ATP11C: variants seen among roughly 807,000 people sequenced by gnomAD.
The protein encoded by ATP11C is phospholipid-transporting ATPase IG.
ATP11C carries 36 observed loss-of-function variants against 97.4 expected under a neutral mutation model. The observed-to-expected ratio is 0.37, with a 90% CI of 0.28 to 0.49. The LOEUF is 0.49. Among genes scored for constraint, ATP11C ranks in the 20% least tolerant of loss-of-function variants. ATP11C has a pLI of 0.98. For missense variants in ATP11C, 730 were observed against 824.6 expected (o/e 0.89, Z 1.40); for synonymous variants, 275 against 290.9 (o/e 0.95, Z 0.56).
At chrX:139,787,318 GAC>G in intron 14 of ATP11C, 74 bp from the exon 15 acceptor site, 1 of 904,083 alleles carries the variant, frequency 1.1e-6, no homozygotes, top group South Asian at 2.6e-5. Flanking sequence ...TTTTTTTTGA[GAC>G]AGAGTCTCGC....
chrX:139,841,893 TTCC>T (rs1361843412), intron 1 of ATP11C, among the ~76,000 whole-genome samples: 1 of 112,527 alleles, frequency 8.9e-6, no homozygotes, highest in Non-Finnish European at 1.9e-5. Flanking sequence ...AAGTTATTTC[TTCC>T]TCGTTCCCCT....
intron 25 of ATP11C, among the ~76,000 whole-genome samples, chrX:139,744,542 T>G (rs1250597754): frequency 8.9e-6 from 1 of 112,120 alleles, no homozygotes; most frequent in African/African-American, 3.2e-5. Flanking sequence ...TGGAGCAAAC[T>G]CCTTTTAAGC....
rs776689174 is a variant in ATP11C at position 139,891,876 on chromosome X, A to T, written c.27+40140T>A. Among the ~76,000 whole-genome samples, 4 of 111,314 alleles carry T rather than the reference A, an allele frequency of 3.6e-5. No homozygotes were observed. In the South Asian group the frequency reaches 1.5e-3, roughly 42 times the overall value. On this transcript the variant is annotated intron_variant, in intron 1 of 29. Transcript: ENST00000682941. ...CCTTGCCCCTAATTAATTTTTTTTA[A>T]GACAGGGTCTCACTCTGTTGCCCAG...
At chrX:139,760,298 T>A (rs1286005901) in intron 22 of ATP11C, among the ~76,000 whole-genome samples, 1 of 112,028 alleles carries the variant, frequency 8.9e-6, no homozygotes, top group Admixed American at 9.4e-5. Flanking sequence ...CATATTGGGT[T>A]ACCATCATCA....
At chrX:139,789,575 C>A in intron 12 of ATP11C, 87 bp from the exon 13 acceptor site, 1 of 704,595 alleles carries the variant, frequency 1.4e-6, no homozygotes, top group South Asian at 3.6e-5. Flanking sequence ...TTTTCATATC[C>A]ATAGGAAATC....
At chrX:139,770,548 A>T (rs2082233211) in intron 19 of ATP11C, among the ~76,000 whole-genome samples, 1 of 110,769 alleles carries the variant, frequency 9.0e-6, no homozygotes, top group Non-Finnish European at 1.9e-5. Flanking sequence ...CATCTGGCAG[A>T]GGGGCTTAAG....
chrX:139,765,233 A>T (rs995449975), intron 20 of ATP11C, among the ~76,000 whole-genome samples: 1 of 111,968 alleles, frequency 8.9e-6, no homozygotes, highest in Non-Finnish European at 1.9e-5. Flanking sequence ...TTCATGAAAA[A>T]AAAAAATATT....
At chrX:139,832,539 A>G (rs966887455) in intron 1 of ATP11C, among the ~76,000 whole-genome samples, 4 of 112,753 alleles carry the variant, frequency 3.5e-5, no homozygotes, top group Non-Finnish European at 7.5e-5. Flanking sequence ...TACACCACAC[A>G]GTAATTTTTC....
intron 1 of ATP11C, among the ~76,000 whole-genome samples, chrX:139,931,660 G>C (rs1036132047): frequency 1.8e-5 from 2 of 111,944 alleles, no homozygotes; most frequent in Non-Finnish European, 3.8e-5. Flanking sequence ...ACCTCCCTGA[G>C]AATAAAACGC....
upstream of ATP11C, among the ~76,000 whole-genome samples, chrX:139,936,284 A>T (rs1311154217): frequency 9.0e-6 from 1 of 111,672 alleles, no homozygotes; most frequent in African/African-American, 3.3e-5. Context: ...AGTTTTTTTA[A>T]GACAAGAAAA....
chrX:139,783,540 A>T (rs1489945761), intron 16 of ATP11C, among the ~76,000 whole-genome samples: 1 of 111,779 alleles, frequency 8.9e-6, no homozygotes, highest in Admixed American at 9.5e-5. Context: ...CAATTCATGG[A>T]GGGCTGGGCT....
chrX:139,872,521 C>T (rs972259829), intron 1 of ATP11C, among the ~76,000 whole-genome samples: 5 of 104,249 alleles, frequency 4.8e-5, no homozygotes, highest in Non-Finnish European at 9.7e-5. Context: ...GCTCCCTCCA[C>T]CCCACGACAG....
chrX:139,811,251 T>C (rs2083169380), intron 5 of ATP11C, among the ~76,000 whole-genome samples: 1 of 111,738 alleles, frequency 8.9e-6, no homozygotes, highest in South Asian at 3.7e-4. Flanking sequence ...CTCTGTGCTG[T>C]ATGAAATTCC....
At chrX:139,869,962 C>T (rs1323627468) in intron 1 of ATP11C, among the ~76,000 whole-genome samples, 1 of 108,340 alleles carries the variant, frequency 9.2e-6, no homozygotes, top group Non-Finnish European at 1.9e-5. Context: ...GGAAATCCTC[C>T]CATTGTGACA....
At chrX:139,772,901 G>A (rs959730405) in intron 19 of ATP11C, among the ~76,000 whole-genome samples, 2 of 111,063 alleles carry the variant, frequency 1.8e-5, no homozygotes, top group Non-Finnish European at 3.8e-5. Context: ...AAAGACTTTG[G>A]GGGGCTGTTG....
intron 26 of ATP11C, 65 bp from the exon 27 acceptor site, chrX:139,741,159 T>C (rs978991958): frequency 1.5e-6 from 1 of 675,527 alleles, no homozygotes; most frequent in Non-Finnish European, 2.4e-6. Flanking sequence ...TACGCTATAG[T>C]ATCTGATAAC....
At chrX:139,866,258 C>T (rs1455472807) in intron 1 of ATP11C, among the ~76,000 whole-genome samples, 1 of 101,938 alleles carries the variant, frequency 9.8e-6, no homozygotes, top group Admixed American at 1.1e-4. Flanking sequence ...GAAGGAGAAT[C>T]GCTTGAATCT....
intron 15 of ATP11C, among the ~76,000 whole-genome samples, chrX:139,786,433 G>A (rs1197048078): frequency 9.0e-6 from 1 of 110,743 alleles, no homozygotes; most frequent in African/African-American, 3.3e-5. Flanking sequence ...CAATGACCCT[G>A]GGTCCCTGTC....
Position 139,742,873 on chromosome X carries a change from A to AT in ATP11C, c.3030+685_3030+686insA, listed in dbSNP as rs2081590082. The stretch of plus-strand genomic sequence containing the variant: ...ATATTTATTTTTAAATTAAAAAAAA[A>AT]AAAATATATATATATATATATATAT... On this transcript the variant is annotated intron_variant, in intron 26 of 29. Transcript: ENST00000682941. 1.1e-3 allele frequency among the ~76,000 whole-genome samples: 29 copies of AT among 26,371 alleles called. 1 individual carries two copies. Among genetic ancestry groups the AT allele is most frequent in the African/African-American group, 3.0e-3 (29 of 9,744 alleles). The allele number at this position is 26,371 out of a possible 115,157, so 22.9% of individuals were successfully genotyped here.
Sources: gnomAD v4.1 joint callset for allele counts (sites outside exome capture counted in the v4.1 genomes callset) on GRCh38, gnomAD v4.1.1 for gene constraint, MANE v1.5 for transcripts, NCBI Gene and HGNC (gene_info 2026-07-23, HGNC 2026-07-21) for gene names.